NAV2: variants seen among roughly 807,000 people sequenced by gnomAD.
The protein encoded by NAV2 is neuron navigator 2.
In NAV2, 54 loss-of-function variants were observed where a neutral mutation model predicts 223.2. That is an observed-to-expected ratio of 0.24 (90% CI 0.19 to 0.30). NAV2 has a LOEUF of 0.30. NAV2 is among the 10% of genes least tolerant of loss of function. The pLI is 1.00. For missense variants in NAV2, 2,806 were observed against 3,147.5 expected (o/e 0.89, Z 2.60); for synonymous variants, 1,279 against 1,239.3 (o/e 1.03, Z -0.67).
chr11:19,806,159 A>T (rs2058550943), intron 1 of NAV2, among the ~76,000 whole-genome samples: 1 of 152,228 alleles, frequency 6.6e-6, no homozygotes. Flanking sequence ...CTTATATGAA[A>T]ATAAACAAGG....
In NAV2 at chr11:19,865,141, C is replaced by T. The variant is rs372989791; in HGVS notation, c.439-3784C>T. On this transcript the variant is annotated intron_variant, in intron 3 of 37. Coordinates refer to ENST00000349880, the MANE Select transcript of NAV2 (RefSeq NM_145117.5). ...AGTTTGGTCTTATTTACATACTTTG[C>T]TGTTTAAGAGTCTTTTCTTTCACTC... Among the ~76,000 whole-genome samples, 6 of 152,284 alleles carry T rather than the reference C, an allele frequency of 3.9e-5. No individual in the cohort carries two copies. The East Asian group carries it at 9.6e-4, about 24-fold the overall frequency.
At chr11:19,714,389 C>G in intron 1 of NAV2, 2 of 465,980 alleles carry the variant, frequency 4.3e-6, no homozygotes, top group South Asian at 3.1e-5. Flanking sequence ...TCTAAGGCCC[C>G]ATTGGGTTCG....
intron 24 of NAV2, 27 bp from the exon 25 acceptor site, chr11:20,080,037 G>A: frequency 6.2e-7 from 1 of 1,610,830 alleles, no homozygotes; most frequent in Non-Finnish European, 8.5e-7. Flanking sequence ...GTTGGCAGCT[G>A]CTGAAACACC....
intron 11 of NAV2, among the ~76,000 whole-genome samples, chr11:20,001,956 G>T (rs1291831677): frequency 6.6e-6 from 1 of 152,150 alleles, no homozygotes; most frequent in Non-Finnish European, 1.5e-5. Flanking sequence ...AGCACACATT[G>T]TGTGGCTATA....
At chr11:19,818,973 G>A (rs979637531) in intron 1 of NAV2, among the ~76,000 whole-genome samples, 2 of 151,852 alleles carry the variant, frequency 1.3e-5, no homozygotes, top group African/African-American at 2.4e-5. Flanking sequence ...ACTCATCCAC[G>A]CTTCCATCCA....
rs193154058 is a variant in NAV2 at position 19,894,386 on chromosome 11, G to A, written c.931+1792G>A. On this transcript the variant is annotated intron_variant, in intron 6 of 37. Coordinates refer to ENST00000349880, the MANE Select transcript of NAV2 (RefSeq NM_145117.5). Reference sequence around the variant, plus strand: ...AAAAGCCTGCGCTGGGCCTCTCCTCGCGGGCCAGTCTGCCCTTGCCCTATA... The same window carrying A: ...AAAAGCCTGCGCTGGGCCTCTCCTCACGGGCCAGTCTGCCCTTGCCCTATA... Among the ~76,000 whole-genome samples the A allele has an allele frequency of 5.9e-5, 9 of 152,304 alleles. No homozygotes were observed. In the East Asian group the frequency reaches 1.2e-3, roughly 20 times the overall value.
chr11:19,438,961 G>A (rs1851305344), intron 1 of NAV2, among the ~76,000 whole-genome samples: 1 of 151,914 alleles, frequency 6.6e-6, no homozygotes, highest in African/African-American at 2.4e-5. Context: ...TTAGTGATTA[G>A]CTCAATCGCC....
At chr11:19,594,310 C>T (rs188223188) in intron 1 of NAV2, among the ~76,000 whole-genome samples, 3 of 152,238 alleles carry the variant, frequency 2.0e-5, no homozygotes, top group Admixed American at 6.5e-5. Flanking sequence ...CTGTCTGTGT[C>T]ATTAAGTTTC....
At chr11:19,444,450 G>A (rs1420133496) in intron 1 of NAV2, among the ~76,000 whole-genome samples, 1 of 152,110 alleles carries the variant, frequency 6.6e-6, no homozygotes, top group Non-Finnish European at 1.5e-5. Context: ...GTGATGTAAT[G>A]CCTCTTCCAG....
intron 1 of NAV2, among the ~76,000 whole-genome samples, chr11:19,818,597 A>C (rs199625013): frequency 6.6e-6 from 1 of 152,244 alleles, no homozygotes; most frequent in Non-Finnish European, 1.5e-5. Flanking sequence ...TAGTGGCTGT[A>C]GTTAACAATC....
chr11:19,738,809 C>G (rs1183890498), intron 1 of NAV2, among the ~76,000 whole-genome samples: 1 of 152,180 alleles, frequency 6.6e-6, no homozygotes, highest in Non-Finnish European at 1.5e-5. Flanking sequence ...GTCCAAGCTG[C>G]CCACAGCAGT....
At chr11:20,029,900 A>T (rs531130966) in intron 11 of NAV2, among the ~76,000 whole-genome samples, 3 of 152,354 alleles carry the variant, frequency 2.0e-5, no homozygotes, top group Non-Finnish European at 4.4e-5. Flanking sequence ...CATAGCTGTG[A>T]TCTGGTTAGG....
chr11:19,848,621 G>C (rs1366098821), intron 3 of NAV2, among the ~76,000 whole-genome samples: 1 of 152,194 alleles, frequency 6.6e-6, no homozygotes, highest in African/African-American at 2.4e-5. Flanking sequence ...AACAGTATTT[G>C]CCTCATGGGG....
intron 1 of NAV2, among the ~76,000 whole-genome samples, chr11:19,438,764 G>C (rs1209264811): frequency 3.3e-5 from 5 of 152,184 alleles, no homozygotes; most frequent in Admixed American, 3.3e-4. Context: ...ATAAGATGAG[G>C]TCTGGAAAGA....
intron 1 of NAV2, among the ~76,000 whole-genome samples, chr11:19,537,822 G>GT (rs1283377830): frequency 6.6e-6 from 1 of 152,160 alleles, no homozygotes; most frequent in Non-Finnish European, 1.5e-5. Context: ...GTTATTTAAT[G>GT]TTTTTAAGTC....
intron 1 of NAV2, among the ~76,000 whole-genome samples, chr11:19,627,842 G>A (rs1023984): frequency 6.7e-6 from 1 of 150,314 alleles, no homozygotes; most frequent in South Asian, 2.1e-4. Context: ...GTTCTAATCC[G>A]ACATATACCT....
At chr11:19,655,858 G>A (rs1223411132) in intron 1 of NAV2, among the ~76,000 whole-genome samples, 3 of 151,908 alleles carry the variant, frequency 2.0e-5, no homozygotes, top group Non-Finnish European at 2.9e-5. Context: ...AAACCTGCAC[G>A]TTGTGCACAT....
intron 1 of NAV2, among the ~76,000 whole-genome samples, chr11:19,649,882 G>A (rs112240617): frequency 1.8e-3 from 273 of 152,284 alleles, no homozygotes; most frequent in African/African-American, 6.4e-3. Context: ...GAAAACGATA[G>A]TGAGATACTT....
At chr11:19,387,631 A>C (rs1364225201) in intron 1 of NAV2, among the ~76,000 whole-genome samples, 4 of 152,156 alleles carry the variant, frequency 2.6e-5, no homozygotes, top group Non-Finnish European at 5.9e-5. Flanking sequence ...CGCAGGCAGC[A>C]CTGGGGACTT....
Sources: gnomAD v4.1 joint callset for allele counts (sites outside exome capture counted in the v4.1 genomes callset) on GRCh38, gnomAD v4.1.1 for gene constraint, MANE v1.5 for transcripts, NCBI Gene and HGNC (gene_info 2026-07-23, HGNC 2026-07-21) for gene names.